The following ELF2 variants were observed in gnomAD, a reference collection of about 807,000 sequenced individuals.
ELF2 encodes the protein ETS-related transcription factor Elf-2.
A neutral mutation model predicts 54.8 loss-of-function variants in ELF2; 11 were observed. The observed-to-expected ratio is 0.20, with a 90% CI of 0.13 to 0.33. ELF2 has a LOEUF of 0.33. ELF2 is among the 10% of genes least tolerant of loss of function. The pLI, the probability that ELF2 is intolerant of heterozygous loss-of-function variation, is 1.00. For synonymous variants in ELF2, 203 were observed against 245.1 expected (o/e 0.83, Z 1.61); for missense variants, 513 against 703.0 (o/e 0.73, Z 3.06).
chr4:139,151,816 C>T (rs1330792527), intron 1 of ELF2, among the ~76,000 whole-genome samples: 1 of 152,152 alleles, frequency 6.6e-6, no homozygotes, highest in East Asian at 1.9e-4. Context: ...AAATTAAATA[C>T]TATTTACTAA....
At chr4:139,062,144 T>C in intron 7 of ELF2, 87 bp from the exon 8 acceptor site, 1 of 1,296,420 alleles carries the variant, frequency 7.7e-7, no homozygotes, top group Non-Finnish European at 1.1e-6. Flanking sequence ...CTTCATTGTA[T>C]CATAAAAATC....
chr4:139,148,738 C>T (rs1468058579), intron 1 of ELF2, among the ~76,000 whole-genome samples: 3 of 151,348 alleles, frequency 2.0e-5, no homozygotes, highest in Non-Finnish European at 4.4e-5. Flanking sequence ...TCATTTCTTT[C>T]GCATATATAG....
At chr4:139,083,654 C>T (rs1472438791) in intron 4 of ELF2, among the ~76,000 whole-genome samples, 1 of 152,186 alleles carries the variant, frequency 6.6e-6, no homozygotes, top group African/African-American at 2.4e-5. Context: ...GAGAACCGAG[C>T]GGGGGTGGCG....
intron 4 of ELF2, 124 bp from the exon 5 acceptor site, chr4:139,073,691 ATGAC>A (rs1313212486): frequency 2.2e-6 from 1 of 464,198 alleles, no homozygotes; most frequent in East Asian, 3.5e-5. Flanking sequence ...ATAAAATAAC[ATGAC>A]TAACTCTAAG....
chr4:139,086,157 TAA>T (rs1208804835), intron 4 of ELF2, among the ~76,000 whole-genome samples: 2 of 152,034 alleles, frequency 1.3e-5, no homozygotes, highest in African/African-American at 2.4e-5. Context: ...AATGGGAAGT[TAA>T]AAGAGAAAAA....
At chr4:139,114,871 C>T (rs1277199086) in intron 4 of ELF2, 8 of 1,604,950 alleles carry the variant, frequency 5.0e-6, no homozygotes, top group Non-Finnish European at 6.0e-6. Context: ...GCTGTTGCTA[C>T]GAGGTTGGGG....
At chr4:139,096,351 C>T (rs535084258) in intron 4 of ELF2, among the ~76,000 whole-genome samples, 3 of 151,836 alleles carry the variant, frequency 2.0e-5, no homozygotes, top group Non-Finnish European at 2.9e-5. Flanking sequence ...AATACTTCCA[C>T]GTTATAATGG....
chr4:139,091,159 T>G (rs920115681), intron 4 of ELF2, among the ~76,000 whole-genome samples: 4 of 152,116 alleles, frequency 2.6e-5, no homozygotes, highest in African/African-American at 7.2e-5. Context: ...GGTCTCGATC[T>G]GACCTCGTGA....
chr4:139,113,426 T>C (rs950276431), intron 4 of ELF2, among the ~76,000 whole-genome samples: 2 of 151,750 alleles, frequency 1.3e-5, no homozygotes, highest in African/African-American at 4.8e-5. Flanking sequence ...GAGGGCGCGG[T>C]GGTGGGTGCC....
At chr4:139,135,732 C>T (rs931730900) in intron 3 of ELF2, among the ~76,000 whole-genome samples, 6 of 152,158 alleles carry the variant, frequency 3.9e-5, no homozygotes, top group African/African-American at 1.2e-4. Context: ...TCTGGGGCCA[C>T]ACTACCTGAC....
intron 4 of ELF2, among the ~76,000 whole-genome samples, chr4:139,083,169 T>C (rs980912256): frequency 1.5e-5 from 2 of 135,808 alleles, no homozygotes; most frequent in African/African-American, 5.4e-5. Flanking sequence ...GCTTCCGCTG[T>C]GGTGGGAGGT....
chr4:139,107,926 A>G (rs1048884264), intron 4 of ELF2, among the ~76,000 whole-genome samples: 1 of 152,074 alleles, frequency 6.6e-6, no homozygotes, highest in African/African-American at 2.4e-5. Context: ...CAAAGTGTAA[A>G]CCTTACCAAG....
chr4:139,140,383 T>C (rs1427594958), intron 1 of ELF2, among the ~76,000 whole-genome samples: 1 of 152,192 alleles, frequency 6.6e-6, no homozygotes, highest in Non-Finnish European at 1.5e-5. Flanking sequence ...TATTCCCTTT[T>C]TCCTTAACCT....
At chr4:139,118,599 T>C (rs73852768) in intron 4 of ELF2, among the ~76,000 whole-genome samples, 2,155 of 151,814 alleles carry the variant, frequency 0.014, 49 homozygotes, top group African/African-American at 0.048. Flanking sequence ...AGAGCTTCAG[T>C]AGAATGATAA....
At chr4:139,164,930 T>C (rs889462692) in intron 1 of ELF2, among the ~76,000 whole-genome samples, 1 of 152,180 alleles carries the variant, frequency 6.6e-6, no homozygotes, top group Non-Finnish European at 1.5e-5. Flanking sequence ...CATTTCTCTA[T>C]AATATGGTGT....
In ELF2 at chr4:139,137,782, G is replaced by A; in HGVS notation, c.-81C>T. ...TGATGGTTGCCAGTGTTATAGGTTTGCATTATCATGTTTTAAAAGTCAATA... is the reference window on the plus strand; with the variant it reads ...TGATGGTTGCCAGTGTTATAGGTTTACATTATCATGTTTTAAAAGTCAATA... On this transcript the variant is annotated 5_prime_UTR_variant, in exon 3 of 10. It introduces an in-frame stop codon into an upstream open reading frame of the 5' UTR. Transcript: ENST00000686138. 6.4e-7 allele frequency: 1 copy of A among 1,569,280 alleles called. No individual in the cohort carries two copies. The highest frequency in any genetic ancestry group is 8.6e-7 in the Non-Finnish European group (1 of 1,159,758).
intron 4 of ELF2, among the ~76,000 whole-genome samples, chr4:139,074,208 GA>G (rs1018916200): frequency 3.9e-5 from 6 of 152,248 alleles, no homozygotes; most frequent in African/African-American, 1.4e-4. Context: ...CTTGAAATTT[GA>G]ACCCTGCATC....
chr4:139,082,984 C>T (rs754541303), intron 4 of ELF2, among the ~76,000 whole-genome samples: 22 of 152,218 alleles, frequency 1.4e-4, no homozygotes, highest in Non-Finnish European at 2.8e-4. Context: ...GTTTACACTC[C>T]TCTTCCCTCC....
At chr4:139,091,068 G>C (rs1194906695) in intron 4 of ELF2, among the ~76,000 whole-genome samples, 4 of 152,056 alleles carry the variant, frequency 2.6e-5, no homozygotes, top group African/African-American at 9.7e-5. Flanking sequence ...CAAGTAGCTG[G>C]GACTACAGAT....
Sources: allele counts gnomAD v4.1 joint callset (sites outside exome capture counted in the v4.1 genomes callset), GRCh38; gene constraint gnomAD v4.1.1; transcripts MANE v1.5; gene names NCBI Gene and HGNC (gene_info 2026-07-23, HGNC 2026-07-21).